ME3: variants seen among roughly 807,000 people sequenced by gnomAD.
ME3 encodes the protein NADP-dependent malic enzyme, mitochondrial.
ME3 carries 48 observed loss-of-function variants against 68.9 expected under a neutral mutation model. The observed-to-expected ratio is 0.70, with a 90% CI of 0.55 to 0.89. ME3 has a LOEUF of 0.89. Among genes scored for constraint, ME3 ranks in the 40% least tolerant of loss-of-function variants. The pLI is 0.00. For missense variants in ME3, 675 were observed against 797.4 expected (o/e 0.85, Z 1.85); for synonymous variants, 320 against 318.8 (o/e 1.00, Z -0.04).
chr11:86,500,408 C>T (rs1004269613), intron 5 of ME3, among the ~76,000 whole-genome samples: 1 of 152,252 alleles, frequency 6.6e-6, no homozygotes, highest in Non-Finnish European at 1.5e-5. Context: ...AGTGTCTCAC[C>T]TCCATCTACT....
At chr11:86,499,960 C>G (rs1478093093) in intron 5 of ME3, among the ~76,000 whole-genome samples, 1 of 152,254 alleles carries the variant, frequency 6.6e-6, no homozygotes, top group Non-Finnish European at 1.5e-5. Flanking sequence ...GCAAGGTCAT[C>G]TTTCTAGTGA....
At chr11:86,498,344 A>C (rs772450176) in intron 5 of ME3, among the ~76,000 whole-genome samples, 5 of 152,162 alleles carry the variant, frequency 3.3e-5, no homozygotes, top group Non-Finnish European at 5.9e-5. Flanking sequence ...AGATGGCAGA[A>C]AGATGCCTGC....
chr11:86,502,229 TC>T (rs1952772689), intron 5 of ME3, among the ~76,000 whole-genome samples: 1 of 146,968 alleles, frequency 6.8e-6, no homozygotes, highest in African/African-American at 2.7e-5. Flanking sequence ...AAGGAACAGT[TC>T]AAAAAGCATT....
At chr11:86,544,224 C>G (rs1163531087) in intron 4 of ME3, among the ~76,000 whole-genome samples, 1 of 152,090 alleles carries the variant, frequency 6.6e-6, no homozygotes, top group Non-Finnish European at 1.5e-5. Context: ...AACTGACACC[C>G]TAACATCACA....
At chr11:86,613,270 C>T (rs531561601) in intron 2 of ME3, among the ~76,000 whole-genome samples, 8 of 152,060 alleles carry the variant, frequency 5.3e-5, no homozygotes, top group Admixed American at 1.3e-4. Context: ...ATCTATGTGT[C>T]CCTTTATGTT....
intron 2 of ME3, among the ~76,000 whole-genome samples, chr11:86,665,143 C>T (rs772147459): frequency 2.6e-5 from 4 of 152,202 alleles, no homozygotes; most frequent in Admixed American, 6.5e-5. Flanking sequence ...CGAGCACCAA[C>T]TAAGTACCTG....
At chr11:86,535,357 G>T (rs1446066228) in intron 4 of ME3, among the ~76,000 whole-genome samples, 1 of 152,104 alleles carries the variant, frequency 6.6e-6, no homozygotes, top group Non-Finnish European at 1.5e-5. Context: ...CTTATCCAGG[G>T]TTCATCCTGC....
At chr11:86,512,649 T>C (rs1953624912) in intron 4 of ME3, among the ~76,000 whole-genome samples, 1 of 152,176 alleles carries the variant, frequency 6.6e-6, no homozygotes, top group South Asian at 2.1e-4. Context: ...TGCCTGTGGC[T>C]TAGAGCAGGA....
At position 86,446,503 on chromosome 11, in the gene ME3, A is replaced by G; in HGVS notation, c.1381-16T>C. On this transcript the variant is annotated splice_polypyrimidine_tract_variant and intron_variant, in intron 12 of 14. Coordinates refer to ENST00000543262, the Ensembl canonical transcript of ME3. ...TCCCTCGGCCCTGGAGGCAGGAAGAAAACCAGAGATGAACTTGGAGATTGG... is the reference window on the plus strand; with the variant it reads ...TCCCTCGGCCCTGGAGGCAGGAAGAGAACCAGAGATGAACTTGGAGATTGG... 1 of 1,613,766 alleles carries G rather than the reference A, an allele frequency of 6.2e-7. No homozygotes were observed. The highest frequency in any genetic ancestry group is 1.3e-5 in the African/African-American group (1 of 75,054).
At chr11:86,589,558 T>G (rs1958941592) in intron 2 of ME3, among the ~76,000 whole-genome samples, 1 of 152,226 alleles carries the variant, frequency 6.6e-6, no homozygotes, top group South Asian at 2.1e-4. Context: ...CTTCCCCAAC[T>G]GTGGTTTAAT....
intron 2 of ME3, among the ~76,000 whole-genome samples, chr11:86,592,623 A>C (rs1959125791): frequency 6.6e-6 from 1 of 152,200 alleles, no homozygotes; most frequent in Non-Finnish European, 1.5e-5. Flanking sequence ...TGCTGGATGC[A>C]ACTAGGTCAG....
chr11:86,630,074 A>G (rs1354129083), intron 2 of ME3, among the ~76,000 whole-genome samples: 2 of 152,218 alleles, frequency 1.3e-5, no homozygotes, highest in East Asian at 3.9e-4. Flanking sequence ...AGAGATCTAC[A>G]TCCCCTATTG....
chr11:86,609,379 T>C (rs1229242647), intron 2 of ME3, among the ~76,000 whole-genome samples: 6 of 152,254 alleles, frequency 3.9e-5, no homozygotes, highest in Non-Finnish European at 4.4e-5. Context: ...GTGTCCTGAG[T>C]ATGTCTTCCA....
intron 2 of ME3, among the ~76,000 whole-genome samples, chr11:86,632,663 C>T (rs1020980597): frequency 1.3e-5 from 2 of 152,196 alleles, no homozygotes; most frequent in African/African-American, 4.8e-5. Context: ...GAACCTGCCA[C>T]ATGTGTGACA....
intron 4 of ME3, among the ~76,000 whole-genome samples, chr11:86,520,929 A>G (rs746874115): frequency 6.6e-6 from 1 of 152,234 alleles, no homozygotes. Context: ...GGTAGAACAG[A>G]TAACTTCCAA....
intron 8 of ME3, among the ~76,000 whole-genome samples, chr11:86,458,745 TGG>T (rs1950077754): frequency 3.3e-5 from 5 of 151,528 alleles, no homozygotes; most frequent in Admixed American, 3.3e-4. Flanking sequence ...GTGGTGGTGG[TGG>T]GTGAGAGAGA....
At chr11:86,583,331 A>T (rs1958545966) in intron 2 of ME3, among the ~76,000 whole-genome samples, 1 of 152,220 alleles carries the variant, frequency 6.6e-6, no homozygotes, top group South Asian at 2.1e-4. Flanking sequence ...GGGTTTTGCC[A>T]TTAAAAGCAA....
At chr11:86,460,211 T>C (rs903231451) in intron 8 of ME3, among the ~76,000 whole-genome samples, 3 of 152,270 alleles carry the variant, frequency 2.0e-5, no homozygotes, top group Admixed American at 1.3e-4. Context: ...TTGGCAGCTC[T>C]GATCACCAAG....
At chr11:86,534,792 A>G (rs535916869) in intron 4 of ME3, among the ~76,000 whole-genome samples, 1 of 152,296 alleles carries the variant, frequency 6.6e-6, no homozygotes, top group East Asian at 1.9e-4. Flanking sequence ...AGAATAGTTG[A>G]GTGGACTTCC....
Sources: gnomAD v4.1 joint callset for allele counts (sites outside exome capture counted in the v4.1 genomes callset) on GRCh38, gnomAD v4.1.1 for gene constraint, MANE v1.5 for transcripts, NCBI Gene and HGNC (gene_info 2026-07-23, HGNC 2026-07-21) for gene names.